Variants in PRKN observed in about 807,000 individuals in gnomAD.
The protein encoded by PRKN is parkin RBR E3 ubiquitin protein ligase.
PRKN carries 56 observed loss-of-function variants against 59.5 expected under a neutral mutation model. The ratio of observed to expected loss-of-function variants is 0.94; its 90% CI spans 0.76 to 1.18. The LOEUF (loss-of-function observed/expected upper bound fraction) is 1.18, where lower values mean the gene tolerates loss of function less well. Ranked by LOEUF, PRKN falls within the 50% of genes most tolerant of loss-of-function variation. PRKN has a pLI of 0.00. For missense variants in PRKN, 657 were observed against 596.4 expected, an observed-to-expected ratio of 1.10 and a Z score of -1.06; for synonymous variants, 250 against 222.1, an observed-to-expected ratio of 1.13 and a Z score of -1.12.
At chr6:162,316,906 T>C (rs557647018) in intron 2 of PRKN, among the ~76,000 whole-genome samples, 5 of 152,226 alleles carry the variant, frequency 3.3e-5, no homozygotes, top group African/African-American at 1.2e-4. Flanking sequence ...GTAAAGATTA[T>C]AGAAATTCAA....
At chr6:161,492,532 A>G (rs1193992802) in intron 9 of PRKN, among the ~76,000 whole-genome samples, 1 of 152,242 alleles carries the variant, frequency 6.6e-6, no homozygotes, top group African/African-American at 2.4e-5. Context: ...GCTAAATTCC[A>G]TCTCTAATCA....
At chr6:162,504,352 G>C (rs539233525) in intron 1 of PRKN, among the ~76,000 whole-genome samples, 14 of 152,256 alleles carry the variant, frequency 9.2e-5, no homozygotes, top group Admixed American at 8.5e-4. Context: ...TTGGAAAAGG[G>C]GTTTACAAAA....
intron 7 of PRKN, among the ~76,000 whole-genome samples, chr6:161,617,393 A>T (rs1466003379): frequency 6.6e-6 from 1 of 152,244 alleles, no homozygotes; most frequent in African/African-American, 2.4e-5. Flanking sequence ...TTAGGTGTGC[A>T]GAAGCTTCTT....
In PRKN at chr6:161,527,731, C is replaced by A. The variant is rs540092380; in HGVS notation, c.1083+21123G>T. Among the ~76,000 whole-genome samples the A allele has an allele frequency of 6.6e-6, 1 of 152,236 alleles. No individual in the cohort carries two copies. The highest frequency in any genetic ancestry group is 6.5e-5 in the Admixed American group (1 of 15,288). ...TATTCCTAGTCAGGCCAAGCTATTG[C>A]TAATCAGAACATTCTCCGGCTCTCC... On this transcript the variant is annotated intron_variant, in intron 9 of 11. Transcript: ENST00000366898. This position sits in a 1 kb window ranked among gnomAD's most constrained non-coding sequence, Gnocchi z 4.6.
intron 7 of PRKN, among the ~76,000 whole-genome samples, chr6:161,600,181 T>G (rs1782057560): frequency 6.6e-6 from 1 of 152,240 alleles, no homozygotes; most frequent in Non-Finnish European, 1.5e-5. Flanking sequence ...TTATTATTTC[T>G]TCTTTCTCTC....
intron 6 of PRKN, among the ~76,000 whole-genome samples, chr6:161,887,754 C>T (rs9458411): frequency 0.028 from 4,225 of 151,820 alleles, 166 homozygotes; most frequent in African/African-American, 0.091. Flanking sequence ...AAATGACTGC[C>T]GGTAGAAATG....
chr6:162,316,744 A>G (rs1220322282), intron 2 of PRKN, among the ~76,000 whole-genome samples: 1 of 152,072 alleles, frequency 6.6e-6, no homozygotes, highest in East Asian at 1.9e-4. Context: ...AGTTACAAAG[A>G]GAGTGCAAAA....
At chr6:162,059,758 C>G (rs948214245) in intron 4 of PRKN, among the ~76,000 whole-genome samples, 2 of 150,614 alleles carry the variant, frequency 1.3e-5, no homozygotes, top group Non-Finnish European at 3.0e-5. Flanking sequence ...TTTTTTTTTG[C>G]CTAGTAATGA....
At chr6:161,637,080 A>G (rs1297968807) in intron 7 of PRKN, among the ~76,000 whole-genome samples, 1 of 152,246 alleles carries the variant, frequency 6.6e-6, no homozygotes, top group Non-Finnish European at 1.5e-5. Flanking sequence ...TGAAGCTTAA[A>G]GTAAATCCCT....
chr6:161,751,405 T>A (rs762553339), intron 7 of PRKN, among the ~76,000 whole-genome samples: 5 of 152,258 alleles, frequency 3.3e-5, no homozygotes, highest in Admixed American at 1.3e-4. Context: ...CTTCCCATTC[T>A]TGAAATTCAC....
At chr6:161,691,541 G>A (rs1490237045) in intron 7 of PRKN, among the ~76,000 whole-genome samples, 1 of 152,174 alleles carries the variant, frequency 6.6e-6, no homozygotes, top group Admixed American at 6.5e-5. Flanking sequence ...AGATTATCTG[G>A]AGCCTGTCTA....
chr6:162,356,747 TAAAA>T (rs748212596), intron 2 of PRKN, among the ~76,000 whole-genome samples: 1,060 of 73,066 alleles, frequency 0.015, 9 homozygotes, highest in African/African-American at 0.048. Context: ...TGATTATTAG[TAAAA>T]AAAAAAAAAA....
intron 1 of PRKN, among the ~76,000 whole-genome samples, chr6:162,501,971 A>T (rs1315489149): frequency 6.6e-6 from 1 of 152,190 alleles, no homozygotes; most frequent in African/African-American, 2.4e-5. Context: ...AAGTAATTTT[A>T]AAAATTATTT....
At chr6:162,291,985 C>T (rs1254246810) in intron 2 of PRKN, among the ~76,000 whole-genome samples, 4 of 142,180 alleles carry the variant, frequency 2.8e-5, no homozygotes, top group South Asian at 2.2e-4. Flanking sequence ...TTTTCTGAGA[C>T]GGACTTTCAC....
intron 1 of PRKN, among the ~76,000 whole-genome samples, chr6:162,694,013 C>T (rs1044143175): frequency 6.6e-5 from 10 of 151,910 alleles, no homozygotes; most frequent in South Asian, 2.1e-4. Flanking sequence ...TTTGGGAGGC[C>T]GAGGCGGGCA....
At chr6:162,626,271 G>A (rs1383752379) in intron 1 of PRKN, among the ~76,000 whole-genome samples, 2 of 152,104 alleles carry the variant, frequency 1.3e-5, no homozygotes, top group African/African-American at 4.8e-5. Context: ...ATTTTCTAAT[G>A]CATTTGTGTA....
Position 161,409,152 on chromosome 6 carries a change from G to C in PRKN, c.1084-22275C>G, listed in dbSNP as rs1326038379. ...GTAGAGATGGGGTTTCACCATATTG[G>C]CCAGGCTGGTCTCGAACTCCTGACC... On this transcript the variant is annotated intron_variant, in intron 9 of 11. Transcript: ENST00000366898. This position sits in a 1 kb window ranked among gnomAD's most constrained non-coding sequence, Gnocchi z 4.6. Among the ~76,000 whole-genome samples the C allele has an allele frequency of 1.3e-5, 2 of 152,004 alleles. No individual in the cohort carries two copies. Among genetic ancestry groups the C allele is most frequent in the Non-Finnish European group, 2.9e-5 (2 of 68,018 alleles).
chr6:161,350,253 A>G, intron 11 of PRKN, 42 bp from the exon 12 acceptor site: 2 of 1,413,560 alleles, frequency 1.4e-6, no homozygotes, highest in Non-Finnish European at 2.0e-6. Context: ...GTTCGCAGCA[A>G]GTACCTGGAA....
At chr6:161,420,464 G>T (rs143188553) in intron 9 of PRKN, among the ~76,000 whole-genome samples, 80 of 152,144 alleles carry the variant, frequency 5.3e-4, no homozygotes, top group African/African-American at 1.9e-3. Context: ...GCCAGGCATG[G>T]CTCATGGGCT....
Sources: allele counts gnomAD v4.1 joint callset (sites outside exome capture counted in the v4.1 genomes callset), GRCh38; gene constraint gnomAD v4.1.1; non-coding constraint Gnocchi (gnomAD v3.1); transcripts MANE v1.5; gene names NCBI Gene and HGNC (gene_info 2026-07-23, HGNC 2026-07-21).